Variants in TVP23A observed in about 807,000 individuals in gnomAD.
TVP23A encodes the protein Golgi apparatus membrane protein TVP23 homolog A.
In TVP23A, 21 loss-of-function variants were observed where a neutral mutation model predicts 31.7. The ratio of observed to expected loss-of-function variants is 0.66; its 90% CI spans 0.47 to 0.95. TVP23A has a LOEUF of 0.95. Ranked by LOEUF, TVP23A falls within the 40% of genes least tolerant of loss-of-function variation. TVP23A has a pLI of 0.00. For missense variants in TVP23A, 279 were observed against 255.6 expected (o/e 1.09, Z -0.62); for synonymous variants, 104 against 96.0 (o/e 1.08, Z -0.49).
chr16:10,757,769 C>G (rs1255000371), downstream of TVP23A: 6 of 1,440,792 alleles, frequency 4.2e-6, no homozygotes, highest in African/African-American at 8.5e-5. The surrounding 1 kb of genome is among the most constrained non-coding windows in gnomAD (Gnocchi z 4.1). Flanking sequence ...TAAGAGCCAA[C>G]CTGGGCAACA....
At chr16:10,813,292 G>A (rs113563640) in intron 2 of TVP23A, among the ~76,000 whole-genome samples, 42 of 152,350 alleles carry the variant, frequency 2.8e-4, no homozygotes, top group African/African-American at 8.4e-4. Context: ...AAGCCAGAAA[G>A]TGATAAAGGA....
At chr16:10,762,509 G>A (rs1337465048), downstream of TVP23A, among the ~76,000 whole-genome samples, 1 of 152,236 alleles carries the variant, frequency 6.6e-6, no homozygotes, top group Admixed American at 6.5e-5. Flanking sequence ...GCCTACACTC[G>A]AAGCTGCTCC....
intron 2 of TVP23A, among the ~76,000 whole-genome samples, chr16:10,790,349 A>G (rs895481630): frequency 3.0e-5 from 4 of 131,614 alleles, no homozygotes; most frequent in Non-Finnish European, 6.1e-5. Flanking sequence ...CAGTGGCGTG[A>G]TCTCGGCTCA....
chr16:10,757,996 T>C, downstream of TVP23A: 2 of 1,613,940 alleles, frequency 1.2e-6, no homozygotes, highest in Non-Finnish European at 1.7e-6. This position sits in a 1 kb window ranked among gnomAD's most constrained non-coding sequence, Gnocchi z 4.1. Flanking sequence ...ACAGCACACA[T>C]CGATGGAGCA....
intron 8 of TVP23A, chr16:10,761,643 G>A: frequency 1.0e-6 from 1 of 1,000,720 alleles, no homozygotes; most frequent in South Asian, 1.6e-5. Context: ...AGGTGTTAAG[G>A]GTTCCACATT....
chr16:10,813,212 C>A (rs1164299518), intron 2 of TVP23A, among the ~76,000 whole-genome samples: 2 of 152,168 alleles, frequency 1.3e-5, no homozygotes, highest in Admixed American at 6.6e-5. Context: ...CAGGCTGATA[C>A]AATTATCCCC....
rs909794783 is a variant in TVP23A, at chr16:10,785,308, G to C, written c.90-10212C>G. Among the ~76,000 whole-genome samples the C allele has an allele frequency of 3.3e-5, 5 of 151,944 alleles. No homozygotes were observed. The South Asian group carries it at 1.0e-3, about 31-fold the overall frequency. On this transcript the variant is annotated intron_variant, in intron 2 of 7. Coordinates refer to ENST00000299866, the MANE Select transcript of TVP23A (RefSeq NM_001079512.4). ...AATCCCAGCTACTCAGGAGGCTGAG[G>C]CACGAGAATCGCTTGAACTGGGGAG... is the stretch of plus-strand genomic sequence containing the variant.
chr16:10,811,653 C>A (rs184180751), intron 2 of TVP23A, among the ~76,000 whole-genome samples: 2 of 152,012 alleles, frequency 1.3e-5, no homozygotes, highest in Non-Finnish European at 2.9e-5. Context: ...AGGTACAAAT[C>A]GGCCACTTTA....
intron 5 of TVP23A, 98 bp downstream of exon 5, chr16:10,773,215 T>C (rs2031754243): frequency 7.2e-7 from 1 of 1,397,252 alleles, no homozygotes; most frequent in Non-Finnish European, 9.6e-7. Context: ...TTATAATTGA[T>C]CAATCAATCA....
intron 2 of TVP23A, among the ~76,000 whole-genome samples, chr16:10,793,597 A>G (rs2033221453): frequency 6.6e-6 from 1 of 152,050 alleles, no homozygotes; most frequent in Non-Finnish European, 1.5e-5. Flanking sequence ...ATTTACAAAC[A>G]ACAGAAATAT....
downstream of TVP23A, chr16:10,757,904 C>A: frequency 1.9e-6 from 3 of 1,614,128 alleles, no homozygotes; most frequent in Non-Finnish European, 2.5e-6. The surrounding 1 kb of genome is among the most constrained non-coding windows in gnomAD (Gnocchi z 4.1). Context: ...GAGATGTGGA[C>A]TGGGGAGAGG....
chr16:10,774,287 T>C (rs570182063), intron 3 of TVP23A, among the ~76,000 whole-genome samples, 159 bp from the exon 4 acceptor site: 1 of 152,334 alleles, frequency 6.6e-6, no homozygotes, highest in Non-Finnish European at 1.5e-5. Flanking sequence ...TCAAGACTTC[T>C]AGTTTTCAAC....
chr16:10,784,198 G>A (rs1339162514), intron 2 of TVP23A, among the ~76,000 whole-genome samples: 2 of 151,752 alleles, frequency 1.3e-5, no homozygotes, highest in African/African-American at 2.4e-5. Flanking sequence ...GCCAGGTGGT[G>A]CACACCTGTA....
chr16:10,766,145 C>G (rs2030844199), downstream of TVP23A: 5 of 152,452 alleles, frequency 3.3e-5, no homozygotes, highest in Admixed American at 2.0e-4. The surrounding 1 kb of genome is among the most constrained non-coding windows in gnomAD (Gnocchi z 4.8). Context: ...GGGTCCTGGT[C>G]CCGGTGTGCT....
chr16:10,762,912 C>CTG (rs1208360704), downstream of TVP23A, among the ~76,000 whole-genome samples: 1 of 149,094 alleles, frequency 6.7e-6, no homozygotes, highest in Admixed American at 6.7e-5. Flanking sequence ...GAATGGGAGC[C>CTG]TGTGGGAAAC....
At chr16:10,803,410 G>C (rs2033803299) in intron 2 of TVP23A, among the ~76,000 whole-genome samples, 1 of 152,170 alleles carries the variant, frequency 6.6e-6, no homozygotes, top group South Asian at 2.1e-4. Flanking sequence ...GGAGGGCCAG[G>C]TCAGAGGGCA....
intron 2 of TVP23A, among the ~76,000 whole-genome samples, chr16:10,806,693 G>C (rs1315791420): frequency 6.6e-6 from 1 of 152,112 alleles, no homozygotes; most frequent in Non-Finnish European, 1.5e-5. Flanking sequence ...GTAGAGACAG[G>C]GTTTCACCAT....
At position 10,805,916 on chromosome 16, in the gene TVP23A, C is replaced by T. The variant is rs2033920984; in HGVS notation, c.89+12187G>A. ...GAGGTGGGCGATCTGGAGTGTCCCC[C>T]AGCAATGTCTGGAGACATTTTGGTT... On this transcript the variant is annotated intron_variant, in intron 2 of 7. Coordinates refer to ENST00000299866, the MANE Select transcript of TVP23A (RefSeq NM_001079512.4). Among the ~76,000 whole-genome samples the T allele has an allele frequency of 2.0e-5, 3 of 152,194 alleles. No individual in the cohort carries two copies. The South Asian group carries it at 6.2e-4, about 32-fold the overall frequency.
In TVP23A at chr16:10,767,763, G is replaced by A. The variant is rs746751636; in HGVS notation, c.*1339C>T. On this transcript the variant is annotated 3_prime_UTR_variant, in exon 8 of 8. Transcript: ENST00000299866. The surrounding 1 kb of genome is among the most constrained non-coding windows in gnomAD (Gnocchi z 4.6). ...GATTATTTAGCCACGCTGAAATGCTGGCTGGGGACCCTGCTGGAAGGAAGG... is the reference window on the plus strand; with the variant it reads ...GATTATTTAGCCACGCTGAAATGCTAGCTGGGGACCCTGCTGGAAGGAAGG... 9 of 599,628 alleles carry A rather than the reference G, an allele frequency of 1.5e-5. No individual in the cohort carries two copies. Among genetic ancestry groups the A allele is most frequent in the East Asian group, 2.8e-5 (1 of 35,218 alleles). 37.1% of individuals were successfully genotyped at this position (599,628 alleles called of 1,614,324 possible).
Sources: gnomAD v4.1 joint callset for allele counts (sites outside exome capture counted in the v4.1 genomes callset) on GRCh38, gnomAD v4.1.1 for gene constraint, Gnocchi (gnomAD v3.1) non-coding constraint, MANE v1.5 for transcripts, NCBI Gene and HGNC (gene_info 2026-07-23, HGNC 2026-07-21) for gene names.